Variants in TMEM135 observed in about 807,000 individuals in gnomAD.
The protein encoded by TMEM135 is transmembrane protein 135, also known as peroxisomal membrane protein 52.
Under a neutral mutation model 60.3 loss-of-function variants are expected in TMEM135, and 30 were observed. The observed-to-expected ratio is 0.50, with a 90% confidence interval of 0.37 to 0.68. TMEM135 has a LOEUF of 0.68. TMEM135 is among the 30% of genes least tolerant of loss of function. The pLI is 0.00. For missense variants in TMEM135, 468 were observed against 548.8 expected (o/e 0.85, Z 1.47); for synonymous variants, 190 against 186.7 (o/e 1.02, Z -0.14).
chr11:87,159,617 A>ACACACACACACACCC (rs140303858), intron 5 of TMEM135, among the ~76,000 whole-genome samples: 2 of 149,336 alleles, frequency 1.3e-5, no homozygotes, highest in Non-Finnish European at 3.0e-5. Context: ...ACACACACAC[A>ACACACACACACACCC]CCATAGATTT....
At chr11:87,087,225 T>C (rs1057052002) in intron 3 of TMEM135, among the ~76,000 whole-genome samples, 1 of 151,688 alleles carries the variant, frequency 6.6e-6, no homozygotes, top group African/African-American at 2.4e-5. Flanking sequence ...CTGGTGGCTA[T>C]AGTTATGTCT....
At chr11:87,193,681 CAGTT>C (rs562905227) in intron 5 of TMEM135, among the ~76,000 whole-genome samples, 43 of 150,968 alleles carry the variant, frequency 2.8e-4, no homozygotes, top group Middle Eastern at 6.9e-3. Flanking sequence ...ATTAAGAACT[CAGTT>C]AGGTTTTTTA....
At chr11:87,101,610 G>T (rs977650815) in intron 4 of TMEM135, among the ~76,000 whole-genome samples, 6 of 152,090 alleles carry the variant, frequency 3.9e-5, no homozygotes, top group Non-Finnish European at 7.4e-5. Context: ...TTAGCATTTG[G>T]TTTTTAATGT....
intron 5 of TMEM135, among the ~76,000 whole-genome samples, chr11:87,174,377 C>A (rs766472353): frequency 1.1e-4 from 16 of 152,096 alleles, no homozygotes; most frequent in Non-Finnish European, 2.2e-4. Flanking sequence ...GAATTCTGAC[C>A]ACTCTAGAAT....
At chr11:87,082,727 T>C (rs1307600059) in intron 3 of TMEM135, among the ~76,000 whole-genome samples, 4 of 152,238 alleles carry the variant, frequency 2.6e-5, no homozygotes, top group Non-Finnish European at 4.4e-5. Flanking sequence ...CAGTTGTCAA[T>C]TGAAATGTGT....
At chr11:87,297,871 A>T (rs1034334696) in intron 7 of TMEM135, among the ~76,000 whole-genome samples, 74 of 152,200 alleles carry the variant, frequency 4.9e-4, no homozygotes, top group African/African-American at 1.6e-3. Context: ...GTGAATTTGG[A>T]TTCAAGAAAT....
intron 4 of TMEM135, among the ~76,000 whole-genome samples, chr11:87,120,622 C>T (rs968748076): frequency 2.6e-5 from 4 of 151,746 alleles, no homozygotes; most frequent in East Asian, 1.9e-4. Flanking sequence ...CATGTGCCAC[C>T]GTGCCCAGAT....
chr11:87,078,734 C>T (rs1405991947), intron 3 of TMEM135, among the ~76,000 whole-genome samples: 5 of 151,988 alleles, frequency 3.3e-5, no homozygotes, highest in Admixed American at 3.3e-4. Flanking sequence ...CTGCCTCAGC[C>T]TCCCAAGTAG....
intron 1 of TMEM135, among the ~76,000 whole-genome samples, chr11:87,061,737 A>G (rs1301137415): frequency 6.6e-6 from 1 of 152,176 alleles, no homozygotes; most frequent in Non-Finnish European, 1.5e-5. Flanking sequence ...CTCTATGGCA[A>G]ATGTGCAGCA....
chr11:87,292,333 C>G (rs7952308), intron 6 of TMEM135, among the ~76,000 whole-genome samples: 2,088 of 152,240 alleles, frequency 0.014, 46 homozygotes, highest in African/African-American at 0.048. Context: ...AATGCCAGCT[C>G]TATGAAACCA....
Position 87,125,232 on chromosome 11 carries a change from C to T in TMEM135, c.397-32109C>T, listed in dbSNP as rs11234980. Among the ~76,000 whole-genome samples, 55 of 152,216 alleles carry T rather than the reference C, an allele frequency of 3.6e-4. 1 individual carries two copies. The highest frequency in any genetic ancestry group is 2.5e-3 in the East Asian group (13 of 5,176). ...GAGGCCAGGGCACAGATAGCCAATG[C>T]GCTGTCTTTGTAGACCTTACATAAT... On this transcript the variant is annotated intron_variant, in intron 4 of 14. Coordinates refer to ENST00000305494, the MANE Select transcript of TMEM135 (RefSeq NM_022918.4).
chr11:87,071,057 G>C (rs1856765587), intron 2 of TMEM135, among the ~76,000 whole-genome samples: 1 of 152,180 alleles, frequency 6.6e-6, no homozygotes, highest in Non-Finnish European at 1.5e-5. Flanking sequence ...GGTTTGCATA[G>C]CCAGCAGGTT....
intron 6 of TMEM135, among the ~76,000 whole-genome samples, chr11:87,257,451 CCAT>C (rs1464254978): frequency 2.3e-5 from 3 of 130,646 alleles, no homozygotes; most frequent in African/African-American, 7.9e-5. Context: ...AAATCCTTCT[CCAT>C]CTTACTTGTT....
chr11:87,205,478 A>G (rs1331301680), intron 5 of TMEM135, among the ~76,000 whole-genome samples: 1 of 152,174 alleles, frequency 6.6e-6, no homozygotes, highest in Non-Finnish European at 1.5e-5. Flanking sequence ...ATTGATGGAT[A>G]ATGTATATAT....
intron 1 of TMEM135, among the ~76,000 whole-genome samples, chr11:87,053,138 G>T (rs1590980910): frequency 8.8e-6 from 1 of 114,216 alleles, no homozygotes; most frequent in African/African-American, 3.6e-5. Context: ...CACAGGAAGG[G>T]GAATATCACA....
rs59069735 is a variant in TMEM135 at position 87,314,770 on chromosome 11, G to A, written c.1077+223G>A. Among the ~76,000 whole-genome samples the A allele has an allele frequency of 1.8e-4, 27 of 151,834 alleles. 1 individual carries two copies. The East Asian group carries it at 4.6e-3, about 26-fold the overall frequency. ...TAATTAACCCTCATGCACCCATCAT[G>A]CAGCTTCAACAGTTATCAGTATTTG... On this transcript the variant is annotated intron_variant, in intron 12 of 14. Coordinates refer to ENST00000305494, the MANE Select transcript of TMEM135 (RefSeq NM_022918.4).
chr11:87,238,348 T>C (rs1941052868), intron 6 of TMEM135, among the ~76,000 whole-genome samples: 1 of 152,036 alleles, frequency 6.6e-6, no homozygotes, highest in South Asian at 2.1e-4. Flanking sequence ...TAAAAAATGA[T>C]GATGTTACTG....
At chr11:87,055,070 T>A (rs1022028691) in intron 1 of TMEM135, among the ~76,000 whole-genome samples, 3 of 152,134 alleles carry the variant, frequency 2.0e-5, no homozygotes, top group African/African-American at 7.2e-5. Flanking sequence ...AAATACGAAA[T>A]TATCTGTGGT....
chr11:87,073,032 C>T (rs141085221), intron 3 of TMEM135, among the ~76,000 whole-genome samples: 39 of 151,940 alleles, frequency 2.6e-4, no homozygotes, highest in South Asian at 1.7e-3. Flanking sequence ...GCCACTCTTA[C>T]TTATTTATTT....
Sources: gnomAD v4.1 joint callset for allele counts (sites outside exome capture counted in the v4.1 genomes callset) on GRCh38, gnomAD v4.1.1 for gene constraint, MANE v1.5 for transcripts, NCBI Gene and HGNC (gene_info 2026-07-23, HGNC 2026-07-21) for gene names.